Variants in KAZN observed in about 807,000 individuals in gnomAD.
The protein encoded by KAZN is kazrin, periplakin interacting protein.
Under a neutral mutation model 87.4 loss-of-function variants are expected in KAZN, and 40 were observed. That is an observed-to-expected ratio of 0.46 (90% CI 0.36 to 0.60). The LOEUF (loss-of-function observed/expected upper bound fraction) is 0.60. Ranked by LOEUF, KAZN falls within the 20% of genes least tolerant of loss-of-function variation. The probability of loss-of-function intolerance (pLI) is 0.00; values close to 1 mark genes in which losing one functional copy is unlikely to be tolerated. For missense variants in KAZN, 898 were observed against 1,073.9 expected (o/e 0.84, Z 2.29); for synonymous variants, 466 against 458.3 (o/e 1.02, Z -0.22).
At chr1:14,811,449 C>T (rs1229679959) in intron 1 of KAZN, among the ~76,000 whole-genome samples, 4 of 152,182 alleles carry the variant, frequency 2.6e-5, no homozygotes, top group African/African-American at 4.8e-5. Context: ...TTAGTGAATA[C>T]GTTAAAACAA....
chr1:14,904,546 T>A (rs1656292896), intron 1 of KAZN, among the ~76,000 whole-genome samples: 2 of 152,196 alleles, frequency 1.3e-5, no homozygotes, highest in Admixed American at 1.3e-4. Flanking sequence ...CCACTGCAGA[T>A]GTCTGCACGC....
intron 1 of KAZN, among the ~76,000 whole-genome samples, chr1:14,895,945 G>A (rs1322959759): frequency 1.3e-5 from 2 of 152,018 alleles, no homozygotes; most frequent in Non-Finnish European, 2.9e-5. Flanking sequence ...TGACACTTTA[G>A]CTGAGACTTG....
intron 2 of KAZN, among the ~76,000 whole-genome samples, chr1:14,553,515 T>C (rs1223548731): frequency 6.6e-6 from 1 of 152,138 alleles, no homozygotes; most frequent in African/African-American, 2.4e-5. Flanking sequence ...GCCTTAGAAC[T>C]CTCTGAAGGA....
chr1:14,466,546 G>A (rs1334819537), intron 2 of KAZN, among the ~76,000 whole-genome samples: 1 of 151,856 alleles, frequency 6.6e-6, no homozygotes, highest in Non-Finnish European at 1.5e-5. Context: ...AATATGTGCT[G>A]GGCTTGACAC....
chr1:14,814,676 G>A (rs559181090), intron 1 of KAZN, among the ~76,000 whole-genome samples: 1 of 152,258 alleles, frequency 6.6e-6, no homozygotes, highest in East Asian at 1.9e-4. Flanking sequence ...GTACCCATGG[G>A]GTACACCGAG....
intron 1 of KAZN, among the ~76,000 whole-genome samples, chr1:14,684,440 T>C (rs1439003784): frequency 1.3e-5 from 2 of 152,204 alleles, no homozygotes; most frequent in African/African-American, 4.8e-5. Context: ...AAGGGTTGGT[T>C]GGTGTGTTCA....
intron 1 of KAZN, among the ~76,000 whole-genome samples, chr1:14,172,264 T>C (rs1645969461): frequency 6.6e-6 from 1 of 152,248 alleles, no homozygotes; most frequent in Non-Finnish European, 1.5e-5. Flanking sequence ...CAGCACTGTT[T>C]AGTTGAAATG....
chr1:14,948,509 G>T (rs1194189605), intron 1 of KAZN, among the ~76,000 whole-genome samples: 2 of 152,052 alleles, frequency 1.3e-5, no homozygotes, highest in African/African-American at 4.8e-5. Flanking sequence ...GGGTGATTCA[G>T]TAATCTCATT....
intron 1 of KAZN, among the ~76,000 whole-genome samples, chr1:13,970,219 T>C (rs934336659): frequency 6.6e-6 from 1 of 152,216 alleles, no homozygotes; most frequent in South Asian, 2.1e-4. Flanking sequence ...TCTCTTATGA[T>C]GGCAGAAAGT....
chr1:14,522,359 T>G (rs1179151310), intron 2 of KAZN, among the ~76,000 whole-genome samples: 3 of 152,198 alleles, frequency 2.0e-5, no homozygotes, highest in Non-Finnish European at 4.4e-5. Flanking sequence ...AGTTTGCTCT[T>G]TATGGTGACA....
At chr1:14,878,761 G>T (rs1431388400) in intron 1 of KAZN, among the ~76,000 whole-genome samples, 1 of 152,186 alleles carries the variant, frequency 6.6e-6, no homozygotes, top group African/African-American at 2.4e-5. Flanking sequence ...CCTCTCCCTT[G>T]CCAGTTTCCT....
chr1:14,857,676 T>C (rs1040638211), intron 1 of KAZN, among the ~76,000 whole-genome samples: 1 of 152,120 alleles, frequency 6.6e-6, no homozygotes, highest in Admixed American at 6.5e-5. Flanking sequence ...CAATGAAATG[T>C]TTTGTCGCTT....
At chr1:13,915,409 G>T (rs938816925) in intron 1 of KAZN, among the ~76,000 whole-genome samples, 1 of 152,224 alleles carries the variant, frequency 6.6e-6, no homozygotes, top group African/African-American at 2.4e-5. Flanking sequence ...CAACATAGTT[G>T]TAAGTATAAT....
intron 1 of KAZN, among the ~76,000 whole-genome samples, chr1:14,767,604 C>T (rs112325889): frequency 6.6e-6 from 1 of 152,222 alleles, no homozygotes; most frequent in Non-Finnish European, 1.5e-5. Context: ...GACTTGGAAG[C>T]CTGTTCCTCC....
chr1:14,339,659 C>G (rs1010075112), intron 2 of KAZN, among the ~76,000 whole-genome samples: 2 of 152,162 alleles, frequency 1.3e-5, no homozygotes, highest in Non-Finnish European at 1.5e-5. Context: ...TTTATTGAGG[C>G]CTTCAACTGA....
At chr1:14,723,633 A>C (rs1241159978) in intron 1 of KAZN, among the ~76,000 whole-genome samples, 1 of 152,076 alleles carries the variant, frequency 6.6e-6, no homozygotes, top group African/African-American at 2.4e-5. Context: ...CTCAGCATCC[A>C]TTTGCTCCCT....
chr1:14,141,355 G>T (rs766588983), intron 1 of KAZN, among the ~76,000 whole-genome samples: 3 of 151,996 alleles, frequency 2.0e-5, no homozygotes, highest in Non-Finnish European at 4.4e-5. Flanking sequence ...TGCCTCTGGG[G>T]CCTGAGAGCA....
chr1:15,092,060 G>GTTTTTTTTTTTTGTTTTTTTTTT (rs57460680), intron 8 of KAZN, among the ~76,000 whole-genome samples: 1 of 114,446 alleles, frequency 8.7e-6, no homozygotes, highest in African/African-American at 3.3e-5. Context: ...TTGTTTTTTT[G>GTTTTTTTTTTTTGTTTTTTTTTT]TTTTTTTTTT....
chr1:14,828,450 C>T (rs867511442), intron 1 of KAZN, among the ~76,000 whole-genome samples: 1 of 152,094 alleles, frequency 6.6e-6, no homozygotes, highest in African/African-American at 2.4e-5. Flanking sequence ...TCGCTACAAT[C>T]ACTGGATAAT....
Sources: allele counts gnomAD v4.1 joint callset (sites outside exome capture counted in the v4.1 genomes callset), GRCh38; gene constraint gnomAD v4.1.1; transcripts MANE v1.5; gene names NCBI Gene and HGNC (gene_info 2026-07-23, HGNC 2026-07-21).